The following SPIDR variants were observed in gnomAD, a reference collection of about 807,000 sequenced individuals.
The protein encoded by SPIDR is DNA repair-scaffolding protein.
SPIDR carries 93 observed loss-of-function variants against 104.6 expected under a neutral mutation model. The observed-to-expected ratio is 0.89, with a 90% confidence interval of 0.75 to 1.06. SPIDR has a LOEUF of 1.06. SPIDR is among the 50% of genes least tolerant of loss of function. The pLI is 0.00. For synonymous variants in SPIDR, 431 were observed against 416.9 expected, an observed-to-expected ratio of 1.03 and a Z score of -0.41; for missense variants, 1,154 against 1,111.2, an observed-to-expected ratio of 1.04 and a Z score of -0.55.
At chr8:47,387,170 G>T (rs1214031662) in intron 5 of SPIDR, among the ~76,000 whole-genome samples, 3 of 152,186 alleles carry the variant, frequency 2.0e-5, no homozygotes, top group Non-Finnish European at 2.9e-5. Flanking sequence ...AGGCAGGGAA[G>T]AATATAGTGT....
chr8:47,435,096 A>G (rs1334198902), intron 7 of SPIDR, among the ~76,000 whole-genome samples: 1 of 152,022 alleles, frequency 6.6e-6, no homozygotes, highest in Non-Finnish European at 1.5e-5. Context: ...TGGGCTCAAG[A>G]TAACCTCCTG....
At chr8:47,334,099 T>C (rs1008132556) in intron 5 of SPIDR, among the ~76,000 whole-genome samples, 2 of 152,240 alleles carry the variant, frequency 1.3e-5, no homozygotes, top group Non-Finnish European at 1.5e-5. Context: ...TCCATGTATC[T>C]TTCTGTTAAT....
rs1034089139 is a variant in SPIDR at position 47,284,298 on chromosome 8, C to T, written c.256+204C>T. Among the ~76,000 whole-genome samples the T allele has an allele frequency of 3.0e-3, 461 of 152,284 alleles. 3 individuals carry two copies. Among genetic ancestry groups the T allele is most frequent in the African/African-American group, 0.011 (438 of 41,566 alleles). ...TCACCGTCTACCCCATTTCTCCTGCCTGCCTACAGATAACTAACATTTTTT... is the reference window on the plus strand; with the variant it reads ...TCACCGTCTACCCCATTTCTCCTGCTTGCCTACAGATAACTAACATTTTTT... On this transcript the variant is annotated intron_variant, in intron 3 of 19. Transcript: ENST00000297423.
At chr8:47,476,600 T>A (rs945937311) in intron 8 of SPIDR, among the ~76,000 whole-genome samples, 3 of 152,108 alleles carry the variant, frequency 2.0e-5, no homozygotes, top group African/African-American at 7.2e-5. Flanking sequence ...CGAGACTCCC[T>A]TCACCCCTGC....
intron 8 of SPIDR, among the ~76,000 whole-genome samples, chr8:47,575,487 CA>C (rs1166036477): frequency 4.8e-5 from 7 of 145,344 alleles, no homozygotes; most frequent in South Asian, 2.2e-4. Flanking sequence ...ACTAAAAATA[CA>C]AAAAAAAAAT....
chr8:47,288,149 T>C (rs1445722167), intron 3 of SPIDR, among the ~76,000 whole-genome samples: 1 of 152,242 alleles, frequency 6.6e-6, no homozygotes, highest in Non-Finnish European at 1.5e-5. Context: ...TTTTTGCTAC[T>C]GCTTTAAATT....
chr8:47,454,270 A>G (rs765327220), intron 8 of SPIDR, among the ~76,000 whole-genome samples: 26 of 152,348 alleles, frequency 1.7e-4, no homozygotes, highest in Non-Finnish European at 3.1e-4. Flanking sequence ...AATGTGGCAC[A>G]TACACACCAT....
intron 5 of SPIDR, among the ~76,000 whole-genome samples, chr8:47,311,375 A>C (rs1380576012): frequency 2.0e-5 from 3 of 152,238 alleles, no homozygotes; most frequent in Non-Finnish European, 2.9e-5. Context: ...AATTGGGTCA[A>C]AAAATTCTGG....
intron 18 of SPIDR, 123 bp downstream of exon 18, chr8:47,729,170 A>G: frequency 2.0e-6 from 3 of 1,532,694 alleles, no homozygotes; most frequent in Non-Finnish European, 2.6e-6. Context: ...CTCGGCTGGG[A>G]TGGCTTGCAT....
chr8:47,399,618 G>A (rs2061618369), intron 6 of SPIDR, among the ~76,000 whole-genome samples: 1 of 152,166 alleles, frequency 6.6e-6, no homozygotes, highest in African/African-American at 2.4e-5. Flanking sequence ...TCGTGGTCAT[G>A]GACTGAGTTT....
intron 10 of SPIDR, chr8:47,660,853 A>C: frequency 1.5e-6 from 1 of 649,980 alleles, no homozygotes; most frequent in Non-Finnish European, 1.9e-6. Context: ...CTGGCCCTTA[A>C]TGAGAGGGAA....
At chr8:47,668,695 A>C (rs1408634981) in intron 10 of SPIDR, among the ~76,000 whole-genome samples, 1 of 152,222 alleles carries the variant, frequency 6.6e-6, no homozygotes, top group East Asian at 1.9e-4. Context: ...AGAAAATAAG[A>C]AGCAAAATTG....
chr8:47,314,059 A>G (rs587609615), intron 5 of SPIDR, among the ~76,000 whole-genome samples: 1 of 152,332 alleles, frequency 6.6e-6, no homozygotes, highest in Non-Finnish European at 1.5e-5. Context: ...TACAGTTGTG[A>G]CTGTTTAAAG....
chr8:47,315,206 G>A (rs2045089690), intron 5 of SPIDR, among the ~76,000 whole-genome samples: 1 of 152,006 alleles, frequency 6.6e-6, no homozygotes, highest in Non-Finnish European at 1.5e-5. Flanking sequence ...AAATACTTCA[G>A]CCACCTTGAC....
chr8:47,584,871 C>G (rs762526422), intron 8 of SPIDR, among the ~76,000 whole-genome samples: 25 of 152,194 alleles, frequency 1.6e-4, no homozygotes, highest in Non-Finnish European at 2.4e-4. Flanking sequence ...GCCTTTCCCC[C>G]TCCCACTCCA....
intron 8 of SPIDR, among the ~76,000 whole-genome samples, chr8:47,474,502 G>A (rs747448738): frequency 6.6e-6 from 1 of 152,160 alleles, no homozygotes; most frequent in Non-Finnish European, 1.5e-5. Flanking sequence ...CTGAGTGTTG[G>A]TTCTCTTTCT....
chr8:47,346,410 A>T (rs905014796), intron 5 of SPIDR, among the ~76,000 whole-genome samples: 3 of 152,106 alleles, frequency 2.0e-5, no homozygotes, highest in African/African-American at 7.2e-5. Flanking sequence ...GTTCATCAGG[A>T]TGTTGGTCTA....
At chr8:47,328,402 C>G (rs530408151) in intron 5 of SPIDR, among the ~76,000 whole-genome samples, 1 of 151,556 alleles carries the variant, frequency 6.6e-6, no homozygotes, top group South Asian at 2.1e-4. Flanking sequence ...AAGACTTCAC[C>G]AAGACTGGCT....
intron 8 of SPIDR, among the ~76,000 whole-genome samples, chr8:47,509,343 G>A (rs559522618): frequency 1.3e-5 from 2 of 150,452 alleles, no homozygotes; most frequent in South Asian, 4.2e-4. Flanking sequence ...GTGTAGTTAC[G>A]AGGTGGGTAA....
Sources: allele counts gnomAD v4.1 joint callset (sites outside exome capture counted in the v4.1 genomes callset), GRCh38; gene constraint gnomAD v4.1.1; transcripts MANE v1.5; gene names NCBI Gene and HGNC (gene_info 2026-07-23, HGNC 2026-07-21).